GATAD1: variants seen among roughly 807,000 people sequenced by gnomAD.
GATAD1 encodes GATA zinc finger domain-containing protein 1.
Under a neutral mutation model 26.5 loss-of-function variants are expected in GATAD1, and 12 were observed. That is an observed-to-expected ratio of 0.45 (90% CI 0.29 to 0.73). The LOEUF is 0.73. Among genes scored for constraint, GATAD1 ranks in the 30% least tolerant of loss-of-function variants. The pLI, the probability that GATAD1 is intolerant of heterozygous loss-of-function variation, is 0.10. For synonymous variants in GATAD1, 129 were observed against 133.1 expected (o/e 0.97, Z 0.21); for missense variants, 266 against 342.1 (o/e 0.78, Z 1.75).
At chr7:92,493,059 T>G in the GATAD1 span, 1 of 1,612,354 alleles carries the variant, frequency 6.2e-7, no homozygotes, top group Non-Finnish European at 8.5e-7. Context: ...TGATGCTACA[T>G]GCTGAAGGTC....
the GATAD1 span, chr7:92,489,893 CAG>C: frequency 1.9e-6 from 3 of 1,613,590 alleles, no homozygotes; most frequent in African/African-American, 4.0e-5. Context: ...GAGCTTGGTG[CAG>C]AGAGACATTG....
chr7:92,477,227 TAGAA>T, the GATAD1 span, among the ~76,000 whole-genome samples: 2 of 152,094 alleles, frequency 1.3e-5, no homozygotes, highest in Non-Finnish European at 2.9e-5. Flanking sequence ...TGGGGGTTGT[TAGAA>T]AGCCCTTCCC....
downstream of GATAD1, among the ~76,000 whole-genome samples, chr7:92,464,119 A>G (rs1366984611): frequency 6.6e-6 from 1 of 152,212 alleles, no homozygotes; most frequent in African/African-American, 2.4e-5. Context: ...CATTGAGTAC[A>G]ACTTTTTGGT....
the GATAD1 span, among the ~76,000 whole-genome samples, chr7:92,468,179 C>G: frequency 1.2e-3 from 183 of 152,342 alleles, no homozygotes; most frequent in Admixed American, 5.0e-3. Context: ...AACCCAGGCA[C>G]TTAGCCATGC....
rs768140033 is a variant in GATAD1, at chr7:92,448,813, C to T, written c.311C>T (p.Pro104Leu). The T allele has an allele frequency of 7.5e-6, 12 of 1,609,162 alleles. No individual in the cohort carries two copies. The highest frequency in any genetic ancestry group is 2.2e-5 in the East Asian group (1 of 44,854). The change falls in exon 2 of 5, where the codon CCG becomes CTG. Residue 104 changes from proline to leucine, a missense_variant. Pro to Leu is a moderately conservative substitution (Grantham distance 98, BLOSUM62 -3). Transcript: ENST00000287957. ...RLRNTKYKSA[P>L]AAEKKVSTKG... ...AGAAACACTAAATACAAATCTGCTCCGGCTGCTGAAAAGAAAGTCTCCACC... is the reference window on the plus strand; with the variant it reads ...AGAAACACTAAATACAAATCTGCTCTGGCTGCTGAAAAGAAAGTCTCCACC...
intron 1 of GATAD1, 37 bp from the exon 2 acceptor site, chr7:92,448,707 TTTTACTTC>T: frequency 6.5e-7 from 1 of 1,544,820 alleles, no homozygotes; most frequent in Non-Finnish European, 8.9e-7. Flanking sequence ...TTTATGCACT[TTTTACTTC>T]TTTCTCTTTT....
chr7:92,469,735 G>A, the GATAD1 span: 76 of 764,050 alleles, frequency 9.9e-5, no homozygotes, highest in Non-Finnish European at 1.7e-4. Flanking sequence ...TAAAACGGAA[G>A]TGGTGTTTAT....
At chr7:92,455,099 T>C (rs2115878915) in intron 4 of GATAD1, among the ~76,000 whole-genome samples, 1 of 150,024 alleles carries the variant, frequency 6.7e-6, no homozygotes, top group South Asian at 2.1e-4. Context: ...ACATATAAAT[T>C]TGGAGGGTGG....
At chr7:92,488,168 A>C in the GATAD1 span, among the ~76,000 whole-genome samples, 1 of 152,216 alleles carries the variant, frequency 6.6e-6, no homozygotes, top group Non-Finnish European at 1.5e-5. Context: ...TTCAGGATGT[A>C]TGTGGATAAA....
chr7:92,491,721 TC>T, the GATAD1 span: 13 of 498,270 alleles, frequency 2.6e-5, no homozygotes, highest in Non-Finnish European at 4.7e-5. Flanking sequence ...TTACCAACCA[TC>T]CCCCAAGAAA....
chr7:92,464,157 G>A (rs1790022722), downstream of GATAD1, among the ~76,000 whole-genome samples: 1 of 152,002 alleles, frequency 6.6e-6, no homozygotes, highest in African/African-American at 2.4e-5. Context: ...AAAAATACGT[G>A]GGCAAAGATC....
At chr7:92,489,326 A>C in the GATAD1 span, 1 of 1,613,548 alleles carries the variant, frequency 6.2e-7, no homozygotes, top group Non-Finnish European at 8.5e-7. Flanking sequence ...ATCTTCACTA[A>C]TGGATGGTCT....
At chr7:92,485,102 AT>A in the GATAD1 span, among the ~76,000 whole-genome samples, 1 of 152,174 alleles carries the variant, frequency 6.6e-6, no homozygotes, top group African/African-American at 2.4e-5. Flanking sequence ...CACAAGGTTA[AT>A]CGCTCAGTTA....
chr7:92,489,955 G>A, the GATAD1 span: 21 of 1,472,426 alleles, frequency 1.4e-5, no homozygotes, highest in South Asian at 1.9e-4. Flanking sequence ...GGAAGAGGGG[G>A]AGAGAAAAAA....
chr7:92,465,004 C>T (rs192967161), downstream of GATAD1: 4 of 152,290 alleles, frequency 2.6e-5, no homozygotes. Context: ...TTGATAGTGG[C>T]TTGTGATCCA....
At chr7:92,476,645 GTCTCTCTCTCCTC>G in the GATAD1 span, among the ~76,000 whole-genome samples, 1 of 150,352 alleles carries the variant, frequency 6.7e-6, no homozygotes, top group Non-Finnish European at 1.5e-5. Flanking sequence ...CTCTCTCACT[GTCTCTCTCTCCTC>G]TCTGTCTCTC....
the GATAD1 span, chr7:92,469,118 G>A: frequency 1.0e-5 from 7 of 702,192 alleles, no homozygotes; most frequent in Admixed American, 4.0e-5. Context: ...ATTCGATCTC[G>A]AATTTCTTTA....
At position 92,454,546 on chromosome 7, in the gene GATAD1, A is replaced by G. The variant is rs1444208442; in HGVS notation, c.480A>G (p.Glu160=). 4 of 1,612,946 alleles carry G rather than the reference A, an allele frequency of 2.5e-6. No homozygotes were observed. The East Asian group carries it at 6.7e-5, about 27-fold the overall frequency. Residue 160 remains glutamate (E), a synonymous_variant, in exon 4 of 5, where the codon GAA becomes GAG. Coordinates refer to ENST00000287957, the MANE Select transcript of GATAD1 (RefSeq NM_021167.5). ...GTGATGTTGTTTCTGTGATTGATGA[A>G]CAAGATGGAAAGCCCTACTATGCTC... ...QIGDVVSVID[E]QDGKPYYAQI...
the GATAD1 span, among the ~76,000 whole-genome samples, chr7:92,491,085 T>C: frequency 6.6e-6 from 1 of 152,330 alleles, no homozygotes; most frequent in East Asian, 1.9e-4. Flanking sequence ...CTCCCAGCCC[T>C]GTCTTGAAAA....
Sources: gnomAD v4.1 joint callset for allele counts (sites outside exome capture counted in the v4.1 genomes callset) on GRCh38, gnomAD v4.1.1 for gene constraint, MANE v1.5 for transcripts, NCBI Gene and HGNC (gene_info 2026-07-23, HGNC 2026-07-21) for gene names.